QTGAL: variants seen among roughly 807,000 people sequenced by gnomAD.
The protein encoded by QTGAL is BGnT-like protein 1.
chr17:83,039,731 G>A, the QTGAL span, among the ~76,000 whole-genome samples: 1 of 152,226 alleles, frequency 6.6e-6, no homozygotes, highest in Non-Finnish European at 1.5e-5. Flanking sequence ...CACAAATAAG[G>A]AAACGGAGGC....
the QTGAL span, among the ~76,000 whole-genome samples, chr17:82,961,713 C>T: frequency 6.6e-6 from 1 of 152,222 alleles, no homozygotes; most frequent in African/African-American, 2.4e-5. Flanking sequence ...CTCACTTGTC[C>T]AAGCTCAGAA....
the QTGAL span, chr17:83,014,608 T>C: frequency 1.4e-6 from 2 of 1,430,808 alleles, no homozygotes; most frequent in Admixed American, 1.7e-5. Flanking sequence ...CAGGCTGGAG[T>C]GCAACGGCAC....
the QTGAL span, among the ~76,000 whole-genome samples, chr17:83,012,597 G>A: frequency 1.3e-5 from 2 of 152,154 alleles, no homozygotes; most frequent in African/African-American, 4.8e-5. Flanking sequence ...CAGTCCACAG[G>A]ACCACACAGC....
chr17:82,957,168 C>G, the QTGAL span: 1 of 1,614,092 alleles, frequency 6.2e-7, no homozygotes, highest in Non-Finnish European at 8.5e-7. Context: ...TGACACCATG[C>G]GGCCCTGCAC....
the QTGAL span, among the ~76,000 whole-genome samples, chr17:83,031,938 A>G: frequency 6.6e-6 from 1 of 152,220 alleles, no homozygotes; most frequent in Non-Finnish European, 1.5e-5. Flanking sequence ...CATCAACTCC[A>G]CAGAGCAGCC....
chr17:83,013,219 A>G, the QTGAL span, among the ~76,000 whole-genome samples: 1 of 151,852 alleles, frequency 6.6e-6, no homozygotes, highest in South Asian at 2.1e-4. Flanking sequence ...ACTGAGCCCC[A>G]GGACCTGACA....
chr17:82,983,141 A>G, the QTGAL span, among the ~76,000 whole-genome samples: 1 of 152,096 alleles, frequency 6.6e-6, no homozygotes, highest in Admixed American at 6.5e-5. Flanking sequence ...TTAGCCAGGC[A>G]TGATGGCACG....
At chr17:82,957,251 T>G in the QTGAL span, 47 of 1,614,100 alleles carry the variant, frequency 2.9e-5, no homozygotes, top group East Asian at 1.0e-3. Flanking sequence ...TGCCACCACC[T>G]GGGGACAAGC....
At chr17:82,965,227 C>T in the QTGAL span, among the ~76,000 whole-genome samples, 1 of 151,042 alleles carries the variant, frequency 6.6e-6, no homozygotes, top group Non-Finnish European at 1.5e-5. Context: ...TGGACGCCTG[C>T]AGGTGCACCC....
At chr17:83,009,705 T>C in the QTGAL span, among the ~76,000 whole-genome samples, 1 of 151,854 alleles carries the variant, frequency 6.6e-6, no homozygotes, top group Admixed American at 6.5e-5. Flanking sequence ...GTGCCCTCGG[T>C]GCATGGTGCT....
the QTGAL span, among the ~76,000 whole-genome samples, chr17:83,015,237 C>T: frequency 6.6e-6 from 1 of 150,726 alleles, no homozygotes; most frequent in Admixed American, 6.6e-5. This position sits in a 1 kb window ranked among gnomAD's most constrained non-coding sequence, Gnocchi z 4.4. Context: ...TGGAGGGGAC[C>T]GTCTGCGGTG....
At chr17:83,015,195 GGACCATCTGCGGTGAGGACCTGCCACC>G in the QTGAL span, among the ~76,000 whole-genome samples, 1 of 148,946 alleles carries the variant, frequency 6.7e-6, no homozygotes, top group Non-Finnish European at 1.5e-5. This position sits in a 1 kb window ranked among gnomAD's most constrained non-coding sequence, Gnocchi z 4.4. Context: ...CTGTGGAGGG[GGACCATCTGCGGTGAGGACCTGCCACC>G]ACTGTGGAGG....
chr17:82,981,877 C>A, the QTGAL span: 1 of 152,232 alleles, frequency 6.6e-6, no homozygotes, highest in Non-Finnish European at 1.5e-5. Context: ...CGTATTCTTA[C>A]AATGAAGTAA....
At chr17:83,015,766 G>A in the QTGAL span, among the ~76,000 whole-genome samples, 1 of 152,334 alleles carries the variant, frequency 6.6e-6, no homozygotes, top group African/African-American at 2.4e-5. The surrounding 1 kb of genome is among the most constrained non-coding windows in gnomAD (Gnocchi z 4.4). Context: ...AAACCCTACT[G>A]TGAACTGCAC....
the QTGAL span, among the ~76,000 whole-genome samples, chr17:83,041,078 A>ATAATAAT: frequency 1.3e-5 from 2 of 151,458 alleles, no homozygotes; most frequent in African/African-American, 4.9e-5. Flanking sequence ...AAAAAAAAAA[A>ATAATAAT]AAAAATGGCT....
the QTGAL span, among the ~76,000 whole-genome samples, chr17:83,014,115 C>A: frequency 7.2e-3 from 1,097 of 152,304 alleles, 13 homozygotes; most frequent in African/African-American, 0.025. Flanking sequence ...AATTTAAGAT[C>A]GTCTAAATAA....
the QTGAL span, among the ~76,000 whole-genome samples, chr17:83,029,126 C>T: frequency 6.6e-6 from 1 of 152,202 alleles, no homozygotes; most frequent in African/African-American, 2.4e-5. Flanking sequence ...TGCACCTTGA[C>T]TGGGGTGTGA....
chr17:82,995,071 C>T, the QTGAL span, among the ~76,000 whole-genome samples: 1 of 152,118 alleles, frequency 6.6e-6, no homozygotes, highest in Non-Finnish European at 1.5e-5. Context: ...AAAAGATCCA[C>T]AATTAGTATC....
chr17:83,032,981 C>T, the QTGAL span, among the ~76,000 whole-genome samples: 4 of 152,320 alleles, frequency 2.6e-5, no homozygotes, highest in South Asian at 6.2e-4. Context: ...AGGAGAGGAA[C>T]GGGCGGCTCC....
Sources: allele counts gnomAD v4.1 joint callset (sites outside exome capture counted in the v4.1 genomes callset), GRCh38; gene constraint gnomAD v4.1.1; non-coding constraint Gnocchi (gnomAD v3.1); transcripts MANE v1.5; gene names NCBI Gene and HGNC (gene_info 2026-07-23, HGNC 2026-07-21).